WDR70: variants seen among roughly 807,000 people sequenced by gnomAD.
The protein encoded by WDR70 is WD repeat domain 70.
WDR70 carries 53 observed loss-of-function variants against 88.6 expected under a neutral mutation model. That is an observed-to-expected ratio of 0.60 (90% CI 0.48 to 0.75). The LOEUF (loss-of-function observed/expected upper bound fraction) is 0.75. Among genes scored for constraint, WDR70 ranks in the 30% least tolerant of loss-of-function variants. WDR70 has a pLI of 0.00. For synonymous variants in WDR70, 280 were observed against 270.0 expected, an observed-to-expected ratio of 1.04 and a Z score of -0.36; for missense variants, 610 against 823.2, an observed-to-expected ratio of 0.74 and a Z score of 3.17.
intron 7 of WDR70, among the ~76,000 whole-genome samples, chr5:37,453,658 G>T (rs1272962172): frequency 1.3e-5 from 2 of 152,186 alleles, no homozygotes; most frequent in Non-Finnish European, 2.9e-5. Flanking sequence ...CAGATTTTGG[G>T]GGGCCTGTTC....
intron 13 of WDR70, among the ~76,000 whole-genome samples, chr5:37,708,109 T>A (rs1435608131): frequency 6.7e-6 from 1 of 149,978 alleles, no homozygotes; most frequent in Non-Finnish European, 1.5e-5. Context: ...GGACGTTTTT[T>A]AAATAGTAAA....
intron 13 of WDR70, among the ~76,000 whole-genome samples, chr5:37,710,871 T>C (rs1747491207): frequency 6.6e-6 from 1 of 151,918 alleles, no homozygotes; most frequent in African/African-American, 2.4e-5. Context: ...TCTGCTTGAC[T>C]GATACTTTGA....
intron 10 of WDR70, among the ~76,000 whole-genome samples, chr5:37,627,973 G>A (rs1744712914): frequency 6.6e-6 from 1 of 152,174 alleles, no homozygotes; most frequent in African/African-American, 2.4e-5. Context: ...CACCTTGGCT[G>A]GAGTGCAGTG....
chr5:37,525,768 A>G (rs1741247589), intron 9 of WDR70, among the ~76,000 whole-genome samples: 1 of 152,184 alleles, frequency 6.6e-6, no homozygotes, highest in African/African-American at 2.4e-5. Flanking sequence ...GAGAAGAATC[A>G]AATAGATGCA....
chr5:37,726,615 A>G (rs534303580), intron 16 of WDR70, among the ~76,000 whole-genome samples: 13 of 152,312 alleles, frequency 8.5e-5, no homozygotes, highest in Admixed American at 8.5e-4. Context: ...TATAGATGGC[A>G]AACTATCTGT....
intron 8 of WDR70, among the ~76,000 whole-genome samples, chr5:37,487,320 A>G (rs1017551672): frequency 1.3e-5 from 2 of 152,036 alleles, no homozygotes; most frequent in African/African-American, 4.8e-5. Flanking sequence ...TGGTAATTCA[A>G]CTACTATTAC....
At chr5:37,726,786 T>G in intron 16 of WDR70, 97 bp from the exon 17 acceptor site, 15 of 1,245,514 alleles carry the variant, frequency 1.2e-5, no homozygotes, top group Non-Finnish European at 1.2e-5. Context: ...TAAGTACTCT[T>G]GAGATTTGTG....
rs190491941 is a variant in WDR70, at chr5:37,424,331, G to A, written c.493-13591G>A. Among the ~76,000 whole-genome samples the A allele has an allele frequency of 4.4e-4, 66 of 150,448 alleles. 1 individual carries two copies. In the Middle Eastern group the frequency reaches 0.01, roughly 23 times the overall value. Reference sequence around the variant, plus strand: ...ATATAATTATAAAGGCTACTAGATGGATCTTATTGACCAAAAGACATGCCA... The same window carrying A: ...ATATAATTATAAAGGCTACTAGATGAATCTTATTGACCAAAAGACATGCCA... On this transcript the variant is annotated intron_variant, in intron 5 of 17. Coordinates refer to ENST00000265107, the MANE Select transcript of WDR70 (RefSeq NM_018034.4).
At chr5:37,387,896 T>G (rs1748675169) in intron 3 of WDR70, among the ~76,000 whole-genome samples, 1 of 152,118 alleles carries the variant, frequency 6.6e-6, no homozygotes, top group Non-Finnish European at 1.5e-5. Flanking sequence ...GATAGTACAC[T>G]TGAGGAAACT....
intron 10 of WDR70, among the ~76,000 whole-genome samples, chr5:37,649,321 A>G (rs771521131): frequency 3.3e-5 from 5 of 151,844 alleles, no homozygotes; most frequent in Non-Finnish European, 7.4e-5. Flanking sequence ...TTGGGACCAG[A>G]CTTTGGAAGA....
At chr5:37,728,888 C>G (rs941196019) in intron 17 of WDR70, among the ~76,000 whole-genome samples, 2 of 152,004 alleles carry the variant, frequency 1.3e-5, no homozygotes, top group Non-Finnish European at 2.9e-5. Flanking sequence ...TTTCTGTTTC[C>G]CTCTTTTCTT....
chr5:37,557,901 A>ATACTCTTTTGAAAACACTTCAAAAGAG (rs1742340507), intron 9 of WDR70, among the ~76,000 whole-genome samples: 1 of 30,804 alleles, frequency 3.2e-5, no homozygotes, highest in African/African-American at 1.1e-4. Context: ...CTTCAGATTT[A>ATACTCTTTTGAAAACACTTCAAAAGAG]TACTCTTTTG....
intron 10 of WDR70, among the ~76,000 whole-genome samples, chr5:37,680,847 G>A (rs78526181): frequency 0.27 from 41,352 of 152,068 alleles, 6,699 homozygotes; most frequent in East Asian, 0.53. Flanking sequence ...ATCCAGCTTT[G>A]TTCTTTTTGC....
intron 5 of WDR70, among the ~76,000 whole-genome samples, chr5:37,430,733 G>T (rs1416598198): frequency 6.6e-6 from 1 of 151,920 alleles, no homozygotes; most frequent in Non-Finnish European, 1.5e-5. Context: ...GCTAATTTTT[G>T]TATCTTTAGT....
intron 10 of WDR70, among the ~76,000 whole-genome samples, chr5:37,673,710 A>G (rs1455575490): frequency 6.6e-6 from 1 of 151,246 alleles, no homozygotes; most frequent in African/African-American, 2.4e-5. Context: ...GATCATCCCA[A>G]CACACAGATA....
chr5:37,646,011 TA>T (rs1354611521), intron 10 of WDR70, among the ~76,000 whole-genome samples: 2 of 151,396 alleles, frequency 1.3e-5, no homozygotes, highest in Admixed American at 6.6e-5. Context: ...CATTTTTAAT[TA>T]AAAAAATTTT....
intron 10 of WDR70, among the ~76,000 whole-genome samples, chr5:37,666,962 ATATC>A (rs1745858896): frequency 6.6e-6 from 1 of 151,972 alleles, no homozygotes; most frequent in South Asian, 2.1e-4. Flanking sequence ...ACTTAGGACA[ATATC>A]TAGCCCATAG....
chr5:37,475,077 C>A (rs2112143421), intron 7 of WDR70, among the ~76,000 whole-genome samples: 2 of 152,014 alleles, frequency 1.3e-5, no homozygotes, highest in South Asian at 4.2e-4. Context: ...CGCTACCACG[C>A]CTGGCTAATT....
chr5:37,730,485 C>A (rs1335415926), intron 17 of WDR70, among the ~76,000 whole-genome samples: 1 of 151,906 alleles, frequency 6.6e-6, no homozygotes, highest in Non-Finnish European at 1.5e-5. Context: ...TCACATAGAA[C>A]TCTGCCCTAG....
Sources: allele counts gnomAD v4.1 joint callset (sites outside exome capture counted in the v4.1 genomes callset), GRCh38; gene constraint gnomAD v4.1.1; transcripts MANE v1.5; gene names NCBI Gene and HGNC (gene_info 2026-07-23, HGNC 2026-07-21).